Variants in KBTBD12 observed in about 807,000 individuals in gnomAD.
KBTBD12 encodes the protein kelch repeat and BTB domain containing 12.
A neutral mutation model predicts 58.7 loss-of-function variants in KBTBD12; 53 were observed. That is an observed-to-expected ratio of 0.90 (90% CI 0.72 to 1.14). The LOEUF is 1.14. Among genes scored for constraint, KBTBD12 ranks in the 50% most tolerant of loss-of-function variants. The probability of loss-of-function intolerance (pLI) is 0.00; values close to 1 mark genes in which losing one functional copy is unlikely to be tolerated. For synonymous variants in KBTBD12, 236 were observed against 259.8 expected (o/e 0.91, Z 0.88); for missense variants, 704 against 751.3 (o/e 0.94, Z 0.74).
At chr3:127,941,836 G>A (rs1209723182) in intron 4 of KBTBD12, among the ~76,000 whole-genome samples, 5 of 152,132 alleles carry the variant, frequency 3.3e-5, no homozygotes, top group Non-Finnish European at 7.4e-5. Flanking sequence ...CTGATCTGAA[G>A]TGATCCACCC....
intron 5 of KBTBD12, among the ~76,000 whole-genome samples, chr3:127,968,332 C>A (rs1940618934): frequency 6.6e-6 from 1 of 152,108 alleles, no homozygotes; most frequent in Non-Finnish European, 1.5e-5. Flanking sequence ...TATTGTGTTT[C>A]AAAAAGGTCA....
chr3:127,963,420 C>T, intron 5 of KBTBD12, 34 bp downstream of exon 5: 1 of 1,527,502 alleles, frequency 6.5e-7, no homozygotes, highest in Non-Finnish European at 8.8e-7. Context: ...TTGTTACCTC[C>T]TTTGGTGTTG....
At chr3:127,964,838 A>T (rs1177544898) in intron 5 of KBTBD12, among the ~76,000 whole-genome samples, 2 of 152,200 alleles carry the variant, frequency 1.3e-5, no homozygotes, top group African/African-American at 4.8e-5. Context: ...AGAGGTTTTT[A>T]AAAAGTTGTT....
At position 127,984,331 on chromosome 3, in the gene KBTBD12, G is replaced by A. The variant is rs957434186; in HGVS notation, c.*53G>A. 1.9e-5 allele frequency: 29 copies of A among 1,499,304 alleles called. No homozygotes were observed. Among genetic ancestry groups the A allele is most frequent in the Middle Eastern group, 2.0e-4 (1 of 4,890 alleles). The allele number at this position is 1,499,304 out of a possible 1,614,324, so 92.9% of individuals were successfully genotyped here. ...GTTCTGCAAACAAGGCCTTCAGAAC[G>A]GAGAGGGCCCACAGCATCTCTGTCA... is the stretch of plus-strand genomic sequence containing the variant. On this transcript the variant is annotated 3_prime_UTR_variant, in exon 6 of 6. Transcript: ENST00000405109.
In KBTBD12 at chr3:127,923,457, C is replaced by T. The variant is rs757731391; in HGVS notation, c.396C>T (p.Asn132=). Residue 132 remains asparagine (N), a synonymous_variant, in exon 2 of 6, where the codon AAC becomes AAT. Coordinates refer to ENST00000405109, the MANE Select transcript of KBTBD12 (RefSeq NM_207335.4). ...TGATGGACCACATGGATGCCTCCAA[C>T]TGTTTAGGTATCTATTATTTTGCAA... is the stretch of plus-strand genomic sequence containing the variant. The part of the protein sequence containing the change: ...KYMMDHMDAS[N]CLGIYYFAKQ... 2 of 1,611,422 alleles carry T rather than the reference C, an allele frequency of 1.2e-6. No homozygotes were observed.
intron 5 of KBTBD12, among the ~76,000 whole-genome samples, chr3:127,964,640 C>CAAA (rs34230294): frequency 1.8e-5 from 2 of 111,106 alleles, no homozygotes; most frequent in African/African-American, 3.2e-5. Flanking sequence ...GACTCCATCT[C>CAAA]AAAAAAAAAA....
At position 127,939,148 on chromosome 3, in the gene KBTBD12, C is replaced by T. The variant is rs903175662; in HGVS notation, c.1492+8865C>T. On this transcript the variant is annotated intron_variant, in intron 4 of 5. Transcript: ENST00000405109. ...TTCTCTGTACTCTTACATCTCAATA[C>T]CTAGACAATCCCATGGCAATGATGA... Among the ~76,000 whole-genome samples, 10 of 152,288 alleles carry T rather than the reference C, an allele frequency of 6.6e-5. No individual in the cohort carries two copies. The East Asian group carries it at 1.9e-3, about 29-fold the overall frequency.
chr3:127,921,548 G>A (rs1939409591), intron 1 of KBTBD12, among the ~76,000 whole-genome samples: 1 of 151,984 alleles, frequency 6.6e-6, no homozygotes, highest in African/African-American at 2.4e-5. Context: ...GTTTTTTTGA[G>A]GTGTGGTGGC....
chr3:127,961,670 A>G (rs1222065530), intron 4 of KBTBD12, among the ~76,000 whole-genome samples: 1 of 152,210 alleles, frequency 6.6e-6, no homozygotes, highest in Non-Finnish European at 1.5e-5. Context: ...TGGCCCCAGT[A>G]GCACACTCAC....
chr3:127,927,844 A>C lies in KBTBD12; in HGVS notation c.1151A>C (p.His384Pro). 2 of 1,612,534 alleles carry C rather than the reference A, an allele frequency of 1.2e-6. No individual in the cohort carries two copies. The highest frequency in any genetic ancestry group is 1.7e-6 in the Non-Finnish European group (2 of 1,179,130). ...FRELYALGSI[H>P]NDLYVIGGQM... is the part of the protein sequence containing the mutation. Reference sequence around the variant, plus strand: ...GAACTCTATGCTCTGGGCAGTATTCATAATGACCTTTATGTTATAGGAGGA... The same window carrying C: ...GAACTCTATGCTCTGGGCAGTATTCCTAATGACCTTTATGTTATAGGAGGA... The change falls in exon 3 of 6, where the codon CAT becomes CCT. Residue 384 changes from histidine (H) to proline (P), a missense_variant. Coordinates refer to ENST00000405109, the MANE Select transcript of KBTBD12 (RefSeq NM_207335.4).
At position 127,984,458 on chromosome 3, in the gene KBTBD12, C is replaced by G; in HGVS notation, c.*180C>G. Reference sequence around the variant, plus strand: ...TGGGGAGTCTCCCTTCAGGGACTTCCCAGCCTGATAGGGTAAATAAGACAC... The same window carrying G: ...TGGGGAGTCTCCCTTCAGGGACTTCGCAGCCTGATAGGGTAAATAAGACAC... On this transcript the variant is annotated 3_prime_UTR_variant, in exon 6 of 6. Coordinates refer to ENST00000405109, the MANE Select transcript of KBTBD12 (RefSeq NM_207335.4). 1.7e-6 allele frequency: 1 copy of G among 577,394 alleles called. No homozygotes were observed. The highest frequency in any genetic ancestry group is 2.2e-5 in the South Asian group (1 of 45,054). 35.8% of individuals were successfully genotyped at this position (577,394 alleles called of 1,614,324 possible). A position where few individuals can be genotyped will look rare whatever the true frequency, so the allele number is the denominator to read the frequency against.
chr3:127,928,089 A>G (rs760429378), intron 3 of KBTBD12, 55 bp downstream of exon 3: 11 of 1,443,194 alleles, frequency 7.6e-6, no homozygotes, highest in Admixed American at 1.7e-5. Flanking sequence ...TCTGGCTGCT[A>G]TGTTAAACAT....
chr3:127,941,140 C>A (rs1939941818), intron 4 of KBTBD12, among the ~76,000 whole-genome samples: 1 of 152,172 alleles, frequency 6.6e-6, no homozygotes. Flanking sequence ...AATTCTGCAA[C>A]CTCTTTTAGA....
chr3:127,927,894 C>T lies in KBTBD12; in HGVS notation c.1201C>T (p.Leu401Phe), dbSNP rs763050536. 1 of 1,613,504 alleles carries T rather than the reference C, an allele frequency of 6.2e-7. No individual in the cohort carries two copies. The highest frequency in any genetic ancestry group is 1.1e-5 in the South Asian group (1 of 91,054). The part of the protein sequence containing the change: ...GGQMKIKNQY[L>F]ITNCVDKYSV... ...ACAGATGAAAATTAAAAACCAGTAT[C>T]TTATTACAAACTGTGTTGATAAGTA... The change falls in exon 3 of 6, where the codon CTT (leucine) becomes TTT (phenylalanine). Residue 401 changes from leucine to phenylalanine, a missense_variant. Leu to Phe is a conservative substitution (Grantham distance 22, BLOSUM62 0). Transcript: ENST00000405109.
At position 127,930,259 on chromosome 3, in the gene KBTBD12, G is replaced by A. The variant is rs752330508; in HGVS notation, c.1468G>A (p.Val490Ile). ...TAAGTACCGATTCAGTACAGCTGTA[G>A]TCAACAGTGAGATTTATGTTTTGGG... ...YSKYRFSTAVVNSEIYVLGGI... is the reference protein window; with the variant it reads ...YSKYRFSTAVINSEIYVLGGI... The change falls in exon 4 of 6, where the codon GTC (valine) becomes ATC (isoleucine). Residue 490 changes from valine to isoleucine, a missense_variant. Transcript: ENST00000405109. 12 of 1,611,668 alleles carry A rather than the reference G, an allele frequency of 7.4e-6. No homozygotes were observed. The highest frequency in any genetic ancestry group is 2.2e-5 in the East Asian group (1 of 44,864).
At chr3:127,936,935 C>T (rs1939842276) in intron 4 of KBTBD12, among the ~76,000 whole-genome samples, 1 of 152,086 alleles carries the variant, frequency 6.6e-6, no homozygotes, top group South Asian at 2.1e-4. Context: ...CCCAAATTCG[C>T]ATACCCAAGT....
chr3:127,940,672 G>C (rs1939930487), intron 4 of KBTBD12, among the ~76,000 whole-genome samples: 1 of 150,138 alleles, frequency 6.7e-6, no homozygotes, highest in Non-Finnish European at 1.5e-5. Context: ...ACTAGAAAAA[G>C]AACAACATAA....
At chr3:127,951,105 T>G (rs2107604016) in intron 4 of KBTBD12, among the ~76,000 whole-genome samples, 1 of 152,098 alleles carries the variant, frequency 6.6e-6, no homozygotes, top group East Asian at 1.9e-4. Flanking sequence ...AGAGAAAGAG[T>G]AGGTTGAGTT....
At chr3:127,927,438 G>A (rs908711335) in intron 2 of KBTBD12, among the ~76,000 whole-genome samples, 2 of 151,994 alleles carry the variant, frequency 1.3e-5, no homozygotes, top group African/African-American at 4.8e-5. Flanking sequence ...AAAATGATTT[G>A]CTTAAAAACT....
Sources: allele counts gnomAD v4.1 joint callset (sites outside exome capture counted in the v4.1 genomes callset), GRCh38; gene constraint gnomAD v4.1.1; transcripts MANE v1.5; gene names NCBI Gene and HGNC (gene_info 2026-07-23, HGNC 2026-07-21).